The following ZFHX2 variants were observed in gnomAD, a reference collection of about 807,000 sequenced individuals.
ZFHX2 encodes zinc finger homeobox 2.
In ZFHX2, 75 loss-of-function variants were observed where a neutral mutation model predicts 164.8. The observed-to-expected ratio is 0.46, with a 90% CI of 0.38 to 0.55. The LOEUF (loss-of-function observed/expected upper bound fraction) is 0.55. Ranked by LOEUF, ZFHX2 falls within the 20% of genes least tolerant of loss-of-function variation. The pLI is 0.00. For synonymous variants in ZFHX2, 1,217 were observed against 1,351.4 expected (o/e 0.90, Z 2.18); for missense variants, 2,933 against 3,308.0 (o/e 0.89, Z 2.78).
intron 1 of ZFHX2, among the ~76,000 whole-genome samples, chr14:23,540,363 C>T (rs1190499635): frequency 1.3e-5 from 2 of 152,164 alleles, no homozygotes; most frequent in African/African-American, 4.8e-5. Flanking sequence ...AATTTTAGGA[C>T]CTTTTTTTAA....
rs1880017464 is a variant in ZFHX2, at chr14:23,535,278, A to G, written c.48T>C (p.Pro16=). 1.3e-6 allele frequency: 2 copies of G among 1,489,536 alleles called. No individual in the cohort carries two copies. Among genetic ancestry groups the G allele is most frequent in the African/African-American group, 2.8e-5 (2 of 72,234 alleles). The allele number at this position is 1,489,536 out of a possible 1,614,324, so 92.3% of individuals were successfully genotyped here. A position where few individuals can be genotyped will look rare whatever the true frequency, so the allele number is the denominator to read the frequency against. Residue 16 remains proline (P), a synonymous_variant, in exon 2 of 10, where the codon CCT becomes CCC. Transcript: ENST00000419474. The surrounding 1 kb of genome is among the most constrained non-coding windows in gnomAD (Gnocchi z 4.5). ...AAGGCAGGGACGGGGCATTGTGCCC[A>G]GGGGAGGGGGTGGTACCAGTGGTAG... is the stretch of plus-strand genomic sequence containing the variant. The part of the protein sequence containing the change: ...SASTTGTTPS[P]GHNAPSLPSD...
chr14:23,530,542 G>T, intron 4 of ZFHX2: 2 of 488,232 alleles, frequency 4.1e-6, no homozygotes, highest in Non-Finnish European at 7.7e-6. Context: ...AGTAGGAGGG[G>T]CACTGAAGAA....
rs975628593 is a variant in ZFHX2, at chr14:23,546,962, T to C, written c.-50+4381A>G. Among the ~76,000 whole-genome samples the C allele has an allele frequency of 6.6e-6, 1 of 152,198 alleles. No individual in the cohort carries two copies. Among genetic ancestry groups the C allele is most frequent in the Non-Finnish European group, 1.5e-5 (1 of 68,032 alleles). On this transcript the variant is annotated intron_variant, in intron 1 of 9. Transcript: ENST00000419474. This position sits in a 1 kb window ranked among gnomAD's most constrained non-coding sequence, Gnocchi z 4.7. The stretch of plus-strand genomic sequence containing the variant: ...GCACTCCCAGCTCTCTCCCCTGTCT[T>C]CTTTTGTAGATTTCTCAACCCATTC...
chr14:23,525,384 G>A lies in ZFHX2; in HGVS notation c.4558C>T (p.Arg1520Ter). Reference sequence around the variant, plus strand: ...GGGTATAGGCTGTCATAGCTCTTTCGAAACTGAGCAGCATAACGGCTCAGG... The same window carrying A: ...GGGTATAGGCTGTCATAGCTCTTTCAAAACTGAGCAGCATAACGGCTCAGG... The part of the protein sequence containing the change: ...EALSRYAAQF[R>*]KSYDSLYPPL... Residue 1520 changes from arginine (R) to a stop codon, truncating the protein, a stop_gained, in exon 9 of 10, where the codon CGA (arginine) becomes TGA (stop). Transcript: ENST00000419474. LOFTEE classifies it high-confidence loss of function. The surrounding 1 kb of genome is among the most constrained non-coding windows in gnomAD (Gnocchi z 5.9). 3 of 1,536,128 alleles carry A rather than the reference G, an allele frequency of 2.0e-6. No individual in the cohort carries two copies. The highest frequency in any genetic ancestry group is 1.7e-6 in the Non-Finnish European group (2 of 1,146,898).
chr14:23,541,278 A>G (rs1051674955), intron 1 of ZFHX2, among the ~76,000 whole-genome samples: 2 of 148,716 alleles, frequency 1.3e-5, no homozygotes, highest in Non-Finnish European at 3.0e-5. Flanking sequence ...AGAATCTTAG[A>G]TGGACAGGAT....
intron 3 of ZFHX2, 69 bp downstream of exon 3, chr14:23,532,498 T>C (rs1879693845): frequency 3.6e-6 from 5 of 1,406,070 alleles, no homozygotes; most frequent in Non-Finnish European, 4.6e-6. Flanking sequence ...CACTTTCTTA[T>C]TCTGCATCTC....
intron 6 of ZFHX2, chr14:23,528,944 G>T: frequency 1.7e-6 from 1 of 591,928 alleles, no homozygotes; most frequent in Non-Finnish European, 2.1e-6. Flanking sequence ...TCATCTTAAC[G>T]CACCTAGCCC....
At position 23,529,691 on chromosome 14, in the gene ZFHX2, C is replaced by T. The variant is rs1595152058; in HGVS notation, c.2934+19G>A. 1 of 1,535,602 alleles carries T rather than the reference C, an allele frequency of 6.5e-7. No individual in the cohort carries two copies. The highest frequency in any genetic ancestry group is 1.4e-5 in the African/African-American group (1 of 73,148). On this transcript the variant is annotated intron_variant, in intron 6 of 9. Coordinates refer to ENST00000419474, the MANE Select transcript of ZFHX2 (RefSeq NM_033400.3). ...GCCAGGCCCCCACTTCAGCTCTTCCCAGTTACCCCAATTCTGACCGTGGTC... is the reference window on the plus strand; with the variant it reads ...GCCAGGCCCCCACTTCAGCTCTTCCTAGTTACCCCAATTCTGACCGTGGTC...
Position 23,535,541 on chromosome 14 carries a change from T to C in ZFHX2, c.-49-167A>G, listed in dbSNP as rs767725646. The stretch of plus-strand genomic sequence containing the variant: ...GTGTCTAACATGCTTCAAAACTTAA[T>C]ATGTCCAACATCAGAACTCTTCATT... On this transcript the variant is annotated intron_variant, in intron 1 of 9. Coordinates refer to ENST00000419474, the MANE Select transcript of ZFHX2 (RefSeq NM_033400.3). This position sits in a 1 kb window ranked among gnomAD's most constrained non-coding sequence, Gnocchi z 4.5. Among the ~76,000 whole-genome samples the C allele has an allele frequency of 6.6e-6, 1 of 152,202 alleles. No homozygotes were observed. Among genetic ancestry groups the C allele is most frequent in the Non-Finnish European group, 1.5e-5 (1 of 68,044 alleles).
At chr14:23,543,485 G>C (rs1454507492) in intron 1 of ZFHX2, 1 of 152,296 alleles carries the variant, frequency 6.6e-6, no homozygotes, top group East Asian at 1.9e-4. Flanking sequence ...TTGAGCATAT[G>C]TGCTATCATG....
intron 1 of ZFHX2, among the ~76,000 whole-genome samples, chr14:23,539,951 T>C (rs550314630): frequency 5.3e-5 from 8 of 152,238 alleles, no homozygotes; most frequent in Non-Finnish European, 1.0e-4. Context: ...ACCATCAAGT[T>C]TGCATACAAT....
chr14:23,525,273 G>A lies in ZFHX2; in HGVS notation c.4669C>T (p.Pro1557Ser). Residue 1557 changes from proline (P) to serine (S), a missense_variant, in exon 9 of 10, where the codon CCT (proline) becomes TCT (serine). Physicochemically the swap from Pro to Ser is moderately conservative, Grantham distance 74. Transcript: ENST00000419474. This position sits in a 1 kb window ranked among gnomAD's most constrained non-coding sequence, Gnocchi z 5.9. The part of the protein sequence containing the change: ...HLGPPFLVPE[P>S]EAGGTRAPEE... ...GGGGCACGGGTCCCCCCTGCCTCAG[G>A]CTCTGGGACCAGGAAGGGTGGGCCC... 1 of 1,535,968 alleles carries A rather than the reference G, an allele frequency of 6.5e-7. No individual in the cohort carries two copies.
chr14:23,545,046 CT>C (rs1269799565), intron 1 of ZFHX2, among the ~76,000 whole-genome samples: 1 of 152,086 alleles, frequency 6.6e-6, no homozygotes, highest in South Asian at 2.1e-4. Context: ...TTTTTCTCCT[CT>C]AGTCAATTTG....
chr14:23,532,519 C>T, intron 3 of ZFHX2, 48 bp downstream of exon 3: 1 of 1,425,490 alleles, frequency 7.0e-7, no homozygotes, highest in Non-Finnish European at 9.1e-7. Flanking sequence ...CTCCCTCTGT[C>T]CCCATTCCCT....
Position 23,522,219 on chromosome 14 carries a change from A to C in ZFHX2, c.7462T>G (p.Leu2488Val). Residue 2488 changes from leucine to valine, a missense_variant, in exon 10 of 10, where the codon TTG becomes GTG. Leu to Val is a conservative substitution (Grantham distance 32). Transcript: ENST00000419474. ...TGGTAGGTGCAGATGGGCACCCGCAATGGGGGTGGCATGGAGCCCCCAGAG... is the reference window on the plus strand; with the variant it reads ...TGGTAGGTGCAGATGGGCACCCGCACTGGGGGTGGCATGGAGCCCCCAGAG... ...RGSGGSMPPP[L>V]RVPICTYHCL... The C allele has an allele frequency of 2.0e-6, 3 of 1,478,530 alleles. No homozygotes were observed. In the South Asian group the frequency reaches 4.1e-5, roughly 20 times the overall value. 91.6% of individuals were successfully genotyped at this position (1,478,530 alleles called of 1,614,324 possible).
rs912660011 is a variant in ZFHX2, at chr14:23,524,052, G to A, written c.5890C>T (p.Pro1964Ser). ...GTGGCAGTGGGGTAGGGAAAAGCAG[G>A]TGCTTCCCTCTTTGGGGCTTCCCTC... ...TGREAPKREA[P>S]AFPYPTATLA... Residue 1964 changes from proline (P) to serine (S), a missense_variant, in exon 9 of 10, where the codon CCT becomes TCT. By Grantham distance (74) the Pro-to-Ser change is moderately conservative. Transcript: ENST00000419474. The surrounding 1 kb of genome is among the most constrained non-coding windows in gnomAD (Gnocchi z 5.6). The A allele has an allele frequency of 1.8e-5, 27 of 1,515,518 alleles. No homozygotes were observed. Among genetic ancestry groups the A allele is most frequent in the African/African-American group, 2.8e-5 (2 of 72,276 alleles). 93.9% of individuals were successfully genotyped at this position (1,515,518 alleles called of 1,614,324 possible). A position where few individuals can be genotyped will look rare whatever the true frequency, so the allele number is the denominator to read the frequency against.
At chr14:23,538,859 G>A (rs1880480806) in intron 1 of ZFHX2, among the ~76,000 whole-genome samples, 1 of 152,150 alleles carries the variant, frequency 6.6e-6, no homozygotes, top group South Asian at 2.1e-4. Context: ...CAGTGGCGGT[G>A]CTGTGATTAG....
chr14:23,523,976 G>C lies in ZFHX2; in HGVS notation c.5966C>G (p.Thr1989Ser). The change falls in exon 9 of 10, where the codon ACC becomes AGC. Residue 1989 changes from threonine to serine, a missense_variant. Thr to Ser is a moderately conservative substitution (Grantham distance 58). Transcript: ENST00000419474. This position sits in a 1 kb window ranked among gnomAD's most constrained non-coding sequence, Gnocchi z 4.1. Reference protein sequence around the residue: ...PFLPPGKEATTPTPEPPLPLL... With the variant: ...PFLPPGKEATSPTPEPPLPLL... The stretch of plus-strand genomic sequence containing the variant: ...AGGTAGAGGTGGCTCTGGTGTTGGG[G>C]TGGTGGCCTCTTTCCCAGGTGGTAG... The C allele has an allele frequency of 6.5e-7, 1 of 1,529,606 alleles. No individual in the cohort carries two copies. Among genetic ancestry groups the C allele is most frequent in the African/African-American group, 1.4e-5 (1 of 72,892 alleles). 94.8% of individuals were successfully genotyped at this position (1,529,606 alleles called of 1,614,324 possible).
chr14:23,527,595 T>C lies in ZFHX2; in HGVS notation c.3135+9A>G. 1 of 1,536,658 alleles carries C rather than the reference T, an allele frequency of 6.5e-7. No individual in the cohort carries two copies. The highest frequency in any genetic ancestry group is 8.7e-7 in the Non-Finnish European group (1 of 1,146,966). On this transcript the variant is annotated intron_variant, in intron 7 of 9. Coordinates refer to ENST00000419474, the MANE Select transcript of ZFHX2 (RefSeq NM_033400.3). ...CTTGTTGTACCGTCCTCACCCAGCC[T>C]GTACTCACTACAAGCAGCAGCTTCT...
Sources: gnomAD v4.1 joint callset for allele counts (sites outside exome capture counted in the v4.1 genomes callset) on GRCh38, gnomAD v4.1.1 for gene constraint, Gnocchi (gnomAD v3.1) non-coding constraint, MANE v1.5 for transcripts, NCBI Gene and HGNC (gene_info 2026-07-23, HGNC 2026-07-21) for gene names.